EPS15L1: variants seen among roughly 807,000 people sequenced by gnomAD.
EPS15L1 encodes epidermal growth factor receptor substrate 15-like 1.
In EPS15L1, 43 loss-of-function variants were observed where a neutral mutation model predicts 117.1. The ratio of observed to expected loss-of-function variants is 0.37; its 90% CI spans 0.29 to 0.47. EPS15L1 has a LOEUF of 0.47. EPS15L1 is among the 20% of genes least tolerant of loss of function. The pLI is 0.99. For missense variants in EPS15L1, 981 were observed against 1,164.0 expected, an observed-to-expected ratio of 0.84 and a Z score of 2.29; for synonymous variants, 459 against 470.5, an observed-to-expected ratio of 0.98 and a Z score of 0.32.
intron 22 of EPS15L1, among the ~76,000 whole-genome samples, chr19:16,366,424 G>C (rs2092133663): frequency 2.0e-5 from 3 of 152,108 alleles, no homozygotes; most frequent in South Asian, 2.1e-4. Context: ...TGGTTTTTGG[G>C]AGGAGCGGTT....
intron 20 of EPS15L1, 128 bp from the exon 21 acceptor site, chr19:16,385,339 C>CGT (rs2092408995): frequency 1.3e-6 from 1 of 759,560 alleles, no homozygotes; most frequent in South Asian, 1.6e-5. Flanking sequence ...TCATTAGACA[C>CGT]GTGTGTCTGC....
chr19:16,461,458 C>CA (rs2093250590), intron 1 of EPS15L1, among the ~76,000 whole-genome samples: 1 of 151,874 alleles, frequency 6.6e-6, no homozygotes, highest in South Asian at 2.1e-4. Flanking sequence ...CCCATCTCTA[C>CA]AAAAAATACA....
intron 22 of EPS15L1, among the ~76,000 whole-genome samples, chr19:16,376,717 A>G (rs1165574734): frequency 6.6e-6 from 1 of 152,208 alleles, no homozygotes; most frequent in East Asian, 1.9e-4. Flanking sequence ...GGACAGGGAG[A>G]AGGACGGAAG....
chr19:16,384,983 T>A, intron 21 of EPS15L1, 146 bp downstream of exon 21: 1 of 720,188 alleles, frequency 1.4e-6, no homozygotes, highest in Non-Finnish European at 2.5e-6. Context: ...ATCACAGCCA[T>A]GGATGCTTTC....
chr19:16,423,443 T>A (rs1272523526), intron 9 of EPS15L1, among the ~76,000 whole-genome samples: 2 of 151,996 alleles, frequency 1.3e-5, no homozygotes, highest in Non-Finnish European at 2.9e-5. Flanking sequence ...TGTGGTGGCA[T>A]CCACCTATTC....
At chr19:16,426,324 G>A (rs779052286) in intron 8 of EPS15L1, among the ~76,000 whole-genome samples, 7 of 152,188 alleles carry the variant, frequency 4.6e-5, no homozygotes, top group Non-Finnish European at 8.8e-5. Context: ...ATAACTGCTG[G>A]CCTGTGCTCT....
At chr19:16,449,592 C>A (rs934315055) in intron 1 of EPS15L1, among the ~76,000 whole-genome samples, 38 of 151,262 alleles carry the variant, frequency 2.5e-4, no homozygotes, top group Middle Eastern at 3.4e-3. Flanking sequence ...ACAACAACAA[C>A]AAAAAAAAAC....
chr19:16,461,387 G>A (rs1011249985), intron 1 of EPS15L1, among the ~76,000 whole-genome samples: 5 of 151,774 alleles, frequency 3.3e-5, no homozygotes, highest in African/African-American at 1.2e-4. Flanking sequence ...TTCGGAGGCC[G>A]AGGCAGGTGG....
At chr19:16,449,426 T>G (rs2093118388) in intron 1 of EPS15L1, among the ~76,000 whole-genome samples, 1 of 151,998 alleles carries the variant, frequency 6.6e-6, no homozygotes, top group Non-Finnish European at 1.5e-5. Flanking sequence ...AAAACCACAG[T>G]GAGATGCCAC....
chr19:16,385,693 C>T (rs1008217907), intron 20 of EPS15L1, among the ~76,000 whole-genome samples: 1 of 152,168 alleles, frequency 6.6e-6, no homozygotes, highest in African/African-American at 2.4e-5. Context: ...GCTGCAGGAC[C>T]AAGCGGGGCC....
chr19:16,417,465 C>T, intron 12 of EPS15L1, 87 bp downstream of exon 12: 1 of 1,161,818 alleles, frequency 8.6e-7, no homozygotes, highest in Middle Eastern at 1.9e-4. Context: ...GAGCAAACTT[C>T]CAGGTGAGCC....
intron 1 of EPS15L1, among the ~76,000 whole-genome samples, chr19:16,470,364 G>A (rs1291875240): frequency 1.3e-5 from 2 of 151,716 alleles, no homozygotes; most frequent in African/African-American, 4.9e-5. Flanking sequence ...TCCACCCTGG[G>A]TGACAGAGCA....
chr19:16,395,506 T>C (rs761149334), intron 16 of EPS15L1, 39 bp from the exon 17 acceptor site: 4 of 1,602,930 alleles, frequency 2.5e-6, no homozygotes, highest in Admixed American at 1.7e-5. Flanking sequence ...GATTTTATTA[T>C]TTCTGAGTTA....
chr19:16,402,440 G>A lies in EPS15L1; in HGVS notation c.1672C>T (p.His558Tyr), dbSNP rs1344957674. 1 of 1,612,170 alleles carries A rather than the reference G, an allele frequency of 6.2e-7. No individual in the cohort carries two copies. The highest frequency in any genetic ancestry group is 8.5e-7 in the Non-Finnish European group (1 of 1,179,250). ...SQLHESRQEA[H>Y]RSLEQYDQVL... Reference sequence around the variant, plus strand: ...TGGTCATACTGCTCCAGGCTCCTGTGGGCCTCCTGGCGGCTTTCATGCAGC... The same window carrying A: ...TGGTCATACTGCTCCAGGCTCCTGTAGGCCTCCTGGCGGCTTTCATGCAGC... The change falls in exon 16 of 24, where the codon CAC (histidine) becomes TAC (tyrosine). Residue 558 changes from histidine (H) to tyrosine (Y), a missense_variant. By Grantham distance (83) the His-to-Tyr change is moderately conservative. This residue lies in a region of EPS15L1 where 819 missense variants were observed against 949.0 expected (regional missense o/e 0.86). Transcript: ENST00000455140.
chr19:16,418,741 G>A (rs977684843), intron 10 of EPS15L1, among the ~76,000 whole-genome samples: 2 of 152,196 alleles, frequency 1.3e-5, no homozygotes, highest in Admixed American at 6.5e-5. Context: ...AGCCTCAGGA[G>A]TGGGATTAGT....
intron 1 of EPS15L1, among the ~76,000 whole-genome samples, chr19:16,462,852 T>C (rs1219353334): frequency 6.6e-6 from 1 of 152,104 alleles, no homozygotes; most frequent in African/African-American, 2.4e-5. Flanking sequence ...TCCAGGCCTG[T>C]TGGAACAGAG....
intron 15 of EPS15L1, among the ~76,000 whole-genome samples, chr19:16,403,512 C>T (rs1294916337): frequency 2.0e-5 from 3 of 152,142 alleles, no homozygotes; most frequent in African/African-American, 7.2e-5. Context: ...GCTGTGTGCT[C>T]AGGAAAGGAA....
At chr19:16,422,796 A>G (rs1436710802) in intron 9 of EPS15L1, among the ~76,000 whole-genome samples, 1 of 152,078 alleles carries the variant, frequency 6.6e-6, no homozygotes, top group Admixed American at 6.6e-5. Context: ...CTCTCTACTA[A>G]AAACACGAAA....
intron 6 of EPS15L1, among the ~76,000 whole-genome samples, chr19:16,435,511 G>A (rs1326421091): frequency 6.6e-6 from 1 of 152,146 alleles, no homozygotes; most frequent in Non-Finnish European, 1.5e-5. Context: ...TACATGATGT[G>A]TCTTTCAACC....
Sources: gnomAD v4.1 joint callset for allele counts (sites outside exome capture counted in the v4.1 genomes callset) on GRCh38, gnomAD v4.1.1 for gene constraint, gnomAD v4.1.1 regional missense constraint, MANE v1.5 for transcripts, NCBI Gene and HGNC (gene_info 2026-07-23, HGNC 2026-07-21) for gene names.